CDKAL1: variants seen among roughly 807,000 people sequenced by gnomAD.
The protein encoded by CDKAL1 is threonylcarbamoyladenosine tRNA methylthiotransferase.
CDKAL1 carries 32 observed loss-of-function variants against 68.2 expected under a neutral mutation model. The ratio of observed to expected loss-of-function variants is 0.47; its 90% CI spans 0.35 to 0.63. The LOEUF is 0.63. Among genes scored for constraint, CDKAL1 ranks in the 30% least tolerant of loss-of-function variants. CDKAL1 has a pLI of 0.00. For missense variants in CDKAL1, 606 were observed against 696.7 expected (o/e 0.87, Z 1.47); for synonymous variants, 234 against 244.3 (o/e 0.96, Z 0.39).
chr6:20,883,279 A>G (rs956884645), intron 9 of CDKAL1, among the ~76,000 whole-genome samples: 2 of 152,346 alleles, frequency 1.3e-5, no homozygotes, highest in East Asian at 1.9e-4. Context: ...ACCTTCTCTC[A>G]TACGTTGTCT....
At chr6:21,163,293 C>G (rs1298172878) in intron 13 of CDKAL1, among the ~76,000 whole-genome samples, 2 of 152,162 alleles carry the variant, frequency 1.3e-5, no homozygotes, top group Non-Finnish European at 1.5e-5. Context: ...ATAACCTCCT[C>G]CACTTCATTC....
At chr6:20,806,771 T>C (rs976144121) in intron 8 of CDKAL1, among the ~76,000 whole-genome samples, 1 of 152,160 alleles carries the variant, frequency 6.6e-6, no homozygotes, top group Non-Finnish European at 1.5e-5. Flanking sequence ...TTGAAGTGAA[T>C]GAAGAATTAG....
chr6:20,681,182 G>A (rs1032171109), intron 5 of CDKAL1, among the ~76,000 whole-genome samples: 4 of 152,128 alleles, frequency 2.6e-5, no homozygotes, highest in African/African-American at 7.2e-5. Context: ...TTAAAAGATG[G>A]CCTCATTCTG....
At chr6:21,099,331 A>T (rs1773469245) in intron 12 of CDKAL1, among the ~76,000 whole-genome samples, 1 of 152,254 alleles carries the variant, frequency 6.6e-6, no homozygotes, top group Non-Finnish European at 1.5e-5. Context: ...GACAATGTTA[A>T]TAAAGGAATG....
intron 11 of CDKAL1, among the ~76,000 whole-genome samples, chr6:21,046,298 C>T (rs1437988615): frequency 1.3e-5 from 2 of 152,176 alleles, no homozygotes; most frequent in Non-Finnish European, 2.9e-5. Flanking sequence ...TGTAATATAG[C>T]GGCTTTGTTC....
At chr6:20,689,451 A>T (rs1394578101) in intron 5 of CDKAL1, among the ~76,000 whole-genome samples, 1 of 152,190 alleles carries the variant, frequency 6.6e-6, no homozygotes, top group Non-Finnish European at 1.5e-5. Flanking sequence ...TATTAGGGGC[A>T]GTGATTTGCC....
intron 5 of CDKAL1, among the ~76,000 whole-genome samples, chr6:20,711,222 T>C (rs1771829697): frequency 6.6e-6 from 1 of 152,230 alleles, no homozygotes. Context: ...TTTTGAAATA[T>C]ACATGTTAAT....
At chr6:20,888,784 G>T (rs192944592) in intron 9 of CDKAL1, among the ~76,000 whole-genome samples, 122 of 152,152 alleles carry the variant, frequency 8.0e-4, no homozygotes, top group Middle Eastern at 3.4e-3. Context: ...TGGACGTTTG[G>T]GTTGGTTCCA....
chr6:20,598,039 CT>C (rs1765913039), intron 4 of CDKAL1, among the ~76,000 whole-genome samples: 1 of 152,194 alleles, frequency 6.6e-6, no homozygotes, highest in Non-Finnish European at 1.5e-5. Flanking sequence ...TCCCTCCTCT[CT>C]GTCCATTAAT....
intron 12 of CDKAL1, among the ~76,000 whole-genome samples, chr6:21,072,723 C>T (rs1372847896): frequency 1.4e-5 from 2 of 142,942 alleles, no homozygotes; most frequent in African/African-American, 5.3e-5. Context: ...TTTAGGTTCA[C>T]AGCAACATTA....
chr6:20,638,094 G>C (rs1228993685), intron 4 of CDKAL1, among the ~76,000 whole-genome samples: 2 of 152,110 alleles, frequency 1.3e-5, no homozygotes. Flanking sequence ...ATATGCACCT[G>C]CCATTTCAGT....
intron 12 of CDKAL1, among the ~76,000 whole-genome samples, chr6:21,107,108 C>T (rs867570038): frequency 5.9e-5 from 9 of 151,940 alleles, no homozygotes; most frequent in Admixed American, 5.9e-4. Context: ...CCACCGTGCC[C>T]GGCTAATTTT....
chr6:21,117,336 A>G (rs557215808), intron 13 of CDKAL1, among the ~76,000 whole-genome samples: 91 of 149,620 alleles, frequency 6.1e-4, no homozygotes, highest in African/African-American at 2.1e-3. Flanking sequence ...GGACATATTT[A>G]TACTAAAAAT....
At chr6:20,929,725 A>G (rs973581285) in intron 9 of CDKAL1, among the ~76,000 whole-genome samples, 5 of 152,074 alleles carry the variant, frequency 3.3e-5, no homozygotes, top group Admixed American at 1.3e-4. Flanking sequence ...AAGATCTACT[A>G]GCTCTCTGCC....
chr6:20,753,363 T>C (rs1404310597), intron 6 of CDKAL1, among the ~76,000 whole-genome samples: 1 of 152,182 alleles, frequency 6.6e-6, no homozygotes, highest in Non-Finnish European at 1.5e-5. Context: ...CTTTAATCAA[T>C]GATGTATATA....
chr6:20,721,833 A>G (rs1772387469), intron 5 of CDKAL1, among the ~76,000 whole-genome samples: 2 of 149,652 alleles, frequency 1.3e-5, no homozygotes, highest in Non-Finnish European at 3.0e-5. Context: ...CCTGGGTTCA[A>G]ACAATTCTCC....
At chr6:20,652,591 G>A (rs1192643179) in intron 5 of CDKAL1, among the ~76,000 whole-genome samples, 1 of 152,038 alleles carries the variant, frequency 6.6e-6, no homozygotes, top group Non-Finnish European at 1.5e-5. Context: ...AAACATACCT[G>A]GGTCTAATCG....
chr6:20,888,882 A>C (rs1249224466), intron 9 of CDKAL1, among the ~76,000 whole-genome samples: 1 of 152,138 alleles, frequency 6.6e-6, no homozygotes, highest in Non-Finnish European at 1.5e-5. Context: ...TTGGGTATAT[A>C]CCCAGTAATG....
intron 9 of CDKAL1, among the ~76,000 whole-genome samples, chr6:20,950,832 T>C (rs1764486842): frequency 6.6e-6 from 1 of 151,998 alleles, no homozygotes; most frequent in Non-Finnish European, 1.5e-5. Context: ...GGGTATGGCA[T>C]GGTGGTGTGC....
Sources: allele counts gnomAD v4.1 joint callset (sites outside exome capture counted in the v4.1 genomes callset), GRCh38; gene constraint gnomAD v4.1.1; transcripts MANE v1.5; gene names NCBI Gene and HGNC (gene_info 2026-07-23, HGNC 2026-07-21).